Variants in STK38L observed in about 807,000 individuals in gnomAD.
STK38L encodes serine/threonine kinase 38 like.
STK38L carries 28 observed loss-of-function variants against 59.7 expected under a neutral mutation model. The ratio of observed to expected loss-of-function variants is 0.47; its 90% CI spans 0.35 to 0.64. The LOEUF (loss-of-function observed/expected upper bound fraction) is 0.64, where lower values mean the gene tolerates loss of function less well. STK38L is among the 30% of genes least tolerant of loss of function. STK38L has a pLI of 0.01. For synonymous variants in STK38L, 162 were observed against 176.8 expected (o/e 0.92, Z 0.66); for missense variants, 314 against 555.8 (o/e 0.56, Z 4.37).
At chr12:27,306,276 T>C (rs1944309477) in intron 3 of STK38L, among the ~76,000 whole-genome samples, 2 of 152,152 alleles carry the variant, frequency 1.3e-5, no homozygotes, top group South Asian at 4.1e-4. Context: ...TCTGCAACTA[T>C]ATCCAACTGT....
chr12:27,305,701 C>T (rs1362619810), intron 3 of STK38L, among the ~76,000 whole-genome samples: 3 of 152,078 alleles, frequency 2.0e-5, no homozygotes, highest in Non-Finnish European at 4.4e-5. Context: ...TGAGGAACAC[C>T]TATATAAAAA....
intron 11 of STK38L, among the ~76,000 whole-genome samples, chr12:27,318,991 A>C (rs1411860164): frequency 6.6e-6 from 1 of 152,250 alleles, no homozygotes; most frequent in Non-Finnish European, 1.5e-5. Context: ...ACTCCGTCTC[A>C]CAAACAAACG....
At chr12:27,273,815 CCTTA>C (rs1318364498) in intron 1 of STK38L, among the ~76,000 whole-genome samples, 2 of 152,090 alleles carry the variant, frequency 1.3e-5, no homozygotes, top group South Asian at 2.1e-4. Flanking sequence ...CCTTTCTGTG[CCTTA>C]CTTTTTATCT....
intron 1 of STK38L, among the ~76,000 whole-genome samples, chr12:27,268,178 A>C (rs1736755348): frequency 6.6e-6 from 1 of 152,022 alleles, no homozygotes; most frequent in Admixed American, 6.5e-5. Context: ...CATGTTAGTT[A>C]CATATGTATA....
chr12:27,280,967 A>C (rs1344967191), intron 1 of STK38L, among the ~76,000 whole-genome samples: 1 of 152,170 alleles, frequency 6.6e-6, no homozygotes, highest in Non-Finnish European at 1.5e-5. Flanking sequence ...AAACCATTTA[A>C]GATTTACTAA....
chr12:27,297,669 T>G (rs772415336), intron 1 of STK38L, 41 bp from the exon 2 acceptor site: 116 of 1,568,460 alleles, frequency 7.4e-5, no homozygotes, highest in Non-Finnish European at 9.7e-5. Context: ...GATAGGGGTT[T>G]TTTTTCCCAC....
intron 1 of STK38L, among the ~76,000 whole-genome samples, chr12:27,288,848 C>A (rs559155570): frequency 2.0e-5 from 3 of 151,414 alleles, no homozygotes; most frequent in Non-Finnish European, 2.9e-5. Flanking sequence ...CTCCCTCCCC[C>A]CTGCCATTTA....
At chr12:27,298,042 C>A in intron 2 of STK38L, 188 bp downstream of exon 2, 1 of 639,296 alleles carries the variant, frequency 1.6e-6, no homozygotes, top group Non-Finnish European at 2.5e-6. Context: ...TGAGGTGCCC[C>A]AAGTCTTGTG....
intron 1 of STK38L, among the ~76,000 whole-genome samples, chr12:27,252,476 T>G (rs183990163): frequency 6.6e-6 from 1 of 152,374 alleles, no homozygotes; most frequent in East Asian, 1.9e-4. Context: ...TTTACTTAGT[T>G]AAGTGTCTAC....
intron 1 of STK38L, among the ~76,000 whole-genome samples, chr12:27,259,645 C>G (rs983623729): frequency 1.3e-5 from 2 of 152,158 alleles, no homozygotes; most frequent in Non-Finnish European, 2.9e-5. Context: ...TCTTTCCCCC[C>G]CTTTTTTTTC....
chr12:27,254,729 ACT>A (rs1591845866), intron 1 of STK38L, among the ~76,000 whole-genome samples: 2 of 152,080 alleles, frequency 1.3e-5, no homozygotes, highest in East Asian at 3.9e-4. Flanking sequence ...GATCATGGGC[ACT>A]CTCAGGAGGA....
chr12:27,279,676 A>AG (rs1360903719), intron 1 of STK38L, among the ~76,000 whole-genome samples: 2 of 107,726 alleles, frequency 1.9e-5, no homozygotes, highest in African/African-American at 5.9e-5. Flanking sequence ...TCAGCGAGCT[A>AG]AAAAAAAAAA....
chr12:27,259,187 G>C (rs181876844), intron 1 of STK38L, among the ~76,000 whole-genome samples: 30 of 152,284 alleles, frequency 2.0e-4, no homozygotes, highest in Admixed American at 1.2e-3. Context: ...GATAAACACA[G>C]AGTTAATCTT....
rs761591925 is a variant in STK38L, at chr12:27,314,594, C to T, written c.608C>T (p.Ala203Val). Residue 203 changes from alanine (A) to valine (V), a missense_variant, in exon 7 of 14, where the codon GCG (alanine) becomes GTG (valine). Ala to Val is a moderately conservative substitution (Grantham distance 64). Transcript: ENST00000389032. ...TCAGAGACTGTTCTGGCAATAGATG[C>T]GATCCACCAGTTGGGTTTCATCCAT... The part of the protein sequence containing the change: ...YISETVLAID[A>V]IHQLGFIHRD... 2 of 1,609,052 alleles carry T rather than the reference C, an allele frequency of 1.2e-6. No individual in the cohort carries two copies. Among genetic ancestry groups the T allele is most frequent in the African/African-American group, 1.3e-5 (1 of 74,640 alleles).
At chr12:27,309,748 A>C (rs962663434) in intron 5 of STK38L, among the ~76,000 whole-genome samples, 5 of 152,230 alleles carry the variant, frequency 3.3e-5, no homozygotes, top group African/African-American at 1.2e-4. Context: ...AGATGCATGA[A>C]CATTCAGTAC....
In STK38L at chr12:27,262,623, C is replaced by T. The variant is rs567849933; in HGVS notation, c.-12+18291C>T. On this transcript the variant is annotated intron_variant, in intron 1 of 13. Transcript: ENST00000389032. Reference sequence around the variant, plus strand: ...AGGAGGCTGAGGTGGAAGGATCACTCGAGGCCAGGAGTTTAAGGCTGCAGT... The same window carrying T: ...AGGAGGCTGAGGTGGAAGGATCACTTGAGGCCAGGAGTTTAAGGCTGCAGT... 3.9e-4 allele frequency among the ~76,000 whole-genome samples: 59 copies of T among 150,800 alleles called. No individual in the cohort carries two copies. In the South Asian group the frequency reaches 4.6e-3, roughly 12 times the overall value.
intron 1 of STK38L, among the ~76,000 whole-genome samples, chr12:27,246,224 G>A (rs535433614): frequency 6.6e-6 from 1 of 152,286 alleles, no homozygotes; most frequent in African/African-American, 2.4e-5. Context: ...TTTCAGAAAA[G>A]TTCTGTTCTC....
rs1412288348 is a variant in STK38L, at chr12:27,269,093, T to G, written c.-12+24761T>G. On this transcript the variant is annotated intron_variant, in intron 1 of 13. Transcript: ENST00000389032. Reference sequence around the variant, plus strand: ...TTGCCTGTTCACTCTGATGGTAGTTTCTTTTGCAGTGCAGAAGCTCTTTAG... The same window carrying G: ...TTGCCTGTTCACTCTGATGGTAGTTGCTTTTGCAGTGCAGAAGCTCTTTAG... Among the ~76,000 whole-genome samples, 12 of 152,352 alleles carry G rather than the reference T, an allele frequency of 7.9e-5. No individual in the cohort carries two copies. The East Asian group carries it at 2.3e-3, about 29-fold the overall frequency.
chr12:27,282,033 C>T (rs906625274), intron 1 of STK38L, among the ~76,000 whole-genome samples: 5 of 152,060 alleles, frequency 3.3e-5, no homozygotes, highest in African/African-American at 1.2e-4. Context: ...GAGACTGTCT[C>T]AAAAACAAAA....
Sources: gnomAD v4.1 joint callset for allele counts (sites outside exome capture counted in the v4.1 genomes callset) on GRCh38, gnomAD v4.1.1 for gene constraint, MANE v1.5 for transcripts, NCBI Gene and HGNC (gene_info 2026-07-23, HGNC 2026-07-21) for gene names.